Variants in MARCHF1 observed in about 807,000 individuals in gnomAD.
MARCHF1 encodes the protein E3 ubiquitin-protein ligase MARCHF1.
MARCHF1 carries 40 observed loss-of-function variants against 54.2 expected under a neutral mutation model. The ratio of observed to expected loss-of-function variants is 0.74; its 90% CI spans 0.57 to 0.96. The LOEUF is 0.96. MARCHF1 is among the 40% of genes least tolerant of loss of function. MARCHF1 has a pLI of 0.00. For synonymous variants in MARCHF1, 236 were observed against 236.3 expected, an observed-to-expected ratio of 1.00 and a Z score of 0.01; for missense variants, 586 against 656.5, an observed-to-expected ratio of 0.89 and a Z score of 1.17.
chr4:163,590,960 G>C (rs987139386), intron 7 of MARCHF1, among the ~76,000 whole-genome samples: 21 of 151,752 alleles, frequency 1.4e-4, no homozygotes, highest in Non-Finnish European at 3.1e-4. Flanking sequence ...TGTGTTTCAA[G>C]TTCATCATCA....
chr4:163,584,333 T>C (rs372182886), intron 8 of MARCHF1: 23 of 151,776 alleles, frequency 1.5e-4, no homozygotes, highest in East Asian at 5.8e-4. Context: ...AGAAAAAAAA[T>C]GAAGAAATAT....
At chr4:164,287,454 C>T (rs1305604889) in intron 1 of MARCHF1, among the ~76,000 whole-genome samples, 6 of 152,130 alleles carry the variant, frequency 3.9e-5, no homozygotes, top group Non-Finnish European at 7.4e-5. Flanking sequence ...GTGAAGATGT[C>T]GTGGAACATC....
intron 3 of MARCHF1, among the ~76,000 whole-genome samples, chr4:163,923,962 T>C (rs575457026): frequency 6.6e-6 from 1 of 152,164 alleles, no homozygotes; most frequent in South Asian, 2.1e-4. Context: ...TTATATCATC[T>C]ACCATTGTAT....
At chr4:163,900,724 C>T (rs1750921770) in intron 3 of MARCHF1, among the ~76,000 whole-genome samples, 1 of 152,038 alleles carries the variant, frequency 6.6e-6, no homozygotes. Context: ...GTCTTTAATT[C>T]AGTTTGGTCT....
At chr4:163,645,183 T>C (rs1742707327) in intron 5 of MARCHF1, among the ~76,000 whole-genome samples, 1 of 152,160 alleles carries the variant, frequency 6.6e-6, no homozygotes, top group East Asian at 1.9e-4. Flanking sequence ...ACCAAGGTCC[T>C]GAAGATAGTT....
intron 3 of MARCHF1, among the ~76,000 whole-genome samples, chr4:163,924,958 T>A (rs1354349691): frequency 2.0e-5 from 3 of 151,762 alleles, no homozygotes. Flanking sequence ...AGGAATAAAA[T>A]AACATCAGAG....
chr4:164,339,851 T>C (rs1014562457), intron 1 of MARCHF1, among the ~76,000 whole-genome samples: 1 of 151,874 alleles, frequency 6.6e-6, no homozygotes, highest in Non-Finnish European at 1.5e-5. Flanking sequence ...AAGACTCAAA[T>C]AAAGGATAAA....
intron 3 of MARCHF1, among the ~76,000 whole-genome samples, chr4:163,933,393 A>G (rs754481887): frequency 6.6e-6 from 1 of 152,204 alleles, no homozygotes; most frequent in Non-Finnish European, 1.5e-5. Context: ...TTCACACTGC[A>G]GCATTGGGAA....
intron 1 of MARCHF1, among the ~76,000 whole-genome samples, chr4:164,187,554 TGTGA>T (rs1225306068): frequency 1.3e-5 from 2 of 152,166 alleles, no homozygotes; most frequent in African/African-American, 4.8e-5. Flanking sequence ...TCTGCTGTGC[TGTGA>T]GTAATAAACA....
At chr4:163,777,795 T>C (rs898661514) in intron 4 of MARCHF1, among the ~76,000 whole-genome samples, 1 of 152,208 alleles carries the variant, frequency 6.6e-6, no homozygotes. Context: ...ACAATAAAAT[T>C]GAGCAATTTG....
At chr4:164,365,901 A>G (rs1240499303) in intron 1 of MARCHF1, among the ~76,000 whole-genome samples, 1 of 151,924 alleles carries the variant, frequency 6.6e-6, no homozygotes, top group African/African-American at 2.4e-5. Context: ...TCTAACCTTA[A>G]TCTCCCCCTC....
chr4:163,779,632 A>G (rs941094837), intron 4 of MARCHF1, among the ~76,000 whole-genome samples: 4 of 151,564 alleles, frequency 2.6e-5, no homozygotes, highest in African/African-American at 9.7e-5. Context: ...AACAGTCCAG[A>G]AAAAAAAAGT....
chr4:164,012,552 T>C (rs747442287), intron 2 of MARCHF1, among the ~76,000 whole-genome samples: 4 of 152,094 alleles, frequency 2.6e-5, no homozygotes, highest in Non-Finnish European at 5.9e-5. Flanking sequence ...AGCCAGGCAA[T>C]TGTGGCCACA....
chr4:164,326,255 GT>G (rs1303158364), intron 1 of MARCHF1, among the ~76,000 whole-genome samples: 1 of 152,152 alleles, frequency 6.6e-6, no homozygotes, highest in Non-Finnish European at 1.5e-5. Context: ...AGCAGCATGG[GT>G]GTGGTCCCAG....
intron 1 of MARCHF1, among the ~76,000 whole-genome samples, chr4:164,269,117 C>T (rs1219030074): frequency 6.6e-6 from 1 of 152,064 alleles, no homozygotes; most frequent in African/African-American, 2.4e-5. Context: ...TTGCCAATGA[C>T]AAGGCAAAGT....
At chr4:163,888,247 T>C (rs1253646854) in intron 3 of MARCHF1, among the ~76,000 whole-genome samples, 1 of 152,068 alleles carries the variant, frequency 6.6e-6, no homozygotes, top group Non-Finnish European at 1.5e-5. Context: ...CTCAGAGCCA[T>C]AGAATTGAAG....
chr4:163,944,059 C>T (rs879611672), intron 3 of MARCHF1, among the ~76,000 whole-genome samples: 5 of 151,808 alleles, frequency 3.3e-5, no homozygotes, highest in African/African-American at 7.3e-5. Context: ...CTCCACCTCC[C>T]GGGTTCACTC....
chr4:163,809,660 T>G (rs937494224), intron 4 of MARCHF1, among the ~76,000 whole-genome samples: 1 of 152,216 alleles, frequency 6.6e-6, no homozygotes, highest in African/African-American at 2.4e-5. Context: ...GAATTTCTTT[T>G]GTCTACTTTC....
chr4:164,244,522 A>T (rs1177074983), intron 1 of MARCHF1, among the ~76,000 whole-genome samples: 2 of 140,422 alleles, frequency 1.4e-5, no homozygotes, highest in African/African-American at 5.1e-5. Flanking sequence ...TCCAAAATTG[A>T]CACCCTAACA....
Sources: allele counts gnomAD v4.1 joint callset (sites outside exome capture counted in the v4.1 genomes callset), GRCh38; gene constraint gnomAD v4.1.1; transcripts MANE v1.5; gene names NCBI Gene and HGNC (gene_info 2026-07-23, HGNC 2026-07-21).